CASS4: variants seen among roughly 807,000 people sequenced by gnomAD.
CASS4 encodes the protein cas scaffolding protein family member 4.
A neutral mutation model predicts 54.2 loss-of-function variants in CASS4; 22 were observed. The ratio of observed to expected loss-of-function variants is 0.41; its 90% confidence interval spans 0.29 to 0.58. The LOEUF (loss-of-function observed/expected upper bound fraction) is 0.58. CASS4 is among the 20% of genes least tolerant of loss of function. CASS4 has a pLI of 0.36. For synonymous variants in CASS4, 409 were observed against 391.5 expected (o/e 1.04, Z -0.53); for missense variants, 854 against 986.7 (o/e 0.87, Z 1.80).
intron 3 of CASS4, among the ~76,000 whole-genome samples, chr20:56,450,219 T>C (rs900267530): frequency 6.6e-6 from 1 of 152,114 alleles, no homozygotes; most frequent in Non-Finnish European, 1.5e-5. Flanking sequence ...TTAATAGAGT[T>C]CTCCATGTTG....
Position 56,452,669 on chromosome 20 carries a change from G to A in CASS4, c.1493G>A (p.Arg498Gln), listed in dbSNP as rs775284457. Residue 498 changes from arginine (R) to glutamine (Q), a missense_variant, in exon 5 of 6, where the codon CGA becomes CAA. Transcript: ENST00000679887. The stretch of plus-strand genomic sequence containing the variant: ...GTAAGAGAATTTCTGGATTTTGCCC[G>A]AGGAGTCCATGGGACTGCCTGTAAC... ...ESVREFLDFA[R>Q]GVHGTACNLT... 1.2e-5 allele frequency: 19 copies of A among 1,614,062 alleles called. No individual in the cohort carries two copies. The highest frequency in any genetic ancestry group is 6.7e-5 in the Admixed American group (4 of 59,992).
intron 4 of CASS4, among the ~76,000 whole-genome samples, chr20:56,451,560 A>G (rs1351512833): frequency 6.6e-6 from 1 of 152,200 alleles, no homozygotes; most frequent in African/African-American, 2.4e-5. Context: ...ATACACTGGC[A>G]TGAGTCAGTG....
rs1296043902 is a variant in CASS4, at chr20:56,460,330, C to G, written c.*1583C>G. The G allele has an allele frequency of 1.3e-5, 2 of 152,212 alleles. No homozygotes were observed. The highest frequency in any genetic ancestry group is 3.9e-4 in the East Asian group (2 of 5,094). 9.4% of individuals were successfully genotyped at this position (152,212 alleles called of 1,614,324 possible). A position where few individuals can be genotyped will look rare whatever the true frequency, so the allele number is the denominator to read the frequency against. On this transcript the variant is annotated 3_prime_UTR_variant, in exon 6 of 6. Transcript: ENST00000679887. ...TGCCGTAGACAGTAATGGCAAAAAC[C>G]ACAATTGCTTTTGCACCACCCTAAT...
chr20:56,438,863 T>C (rs907377116), intron 2 of CASS4, among the ~76,000 whole-genome samples: 15 of 152,082 alleles, frequency 9.9e-5, no homozygotes, highest in Admixed American at 5.9e-4. Flanking sequence ...ATCTCAAAAA[T>C]AAACAAACAA....
chr20:56,436,366 A>G (rs1446344825), intron 1 of CASS4, among the ~76,000 whole-genome samples: 1 of 144,918 alleles, frequency 6.9e-6, no homozygotes, highest in African/African-American at 2.6e-5. Context: ...GTGTGTATAT[A>G]TATATATGTA....
At chr20:56,442,366 A>C (rs1200738079) in intron 2 of CASS4, among the ~76,000 whole-genome samples, 1 of 151,830 alleles carries the variant, frequency 6.6e-6, no homozygotes, top group African/African-American at 2.4e-5. Context: ...TCGTGCAGCC[A>C]CACAGCTGAT....
At chr20:56,446,077 A>G (rs1980698557) in intron 3 of CASS4, 76 bp downstream of exon 3, 5 of 968,010 alleles carry the variant, frequency 5.2e-6, no homozygotes, top group East Asian at 2.5e-5. Context: ...TCATGCCCAC[A>G]TTGCATTTCA....
chr20:56,455,247 T>C (rs1240288160), intron 5 of CASS4, among the ~76,000 whole-genome samples: 2 of 152,172 alleles, frequency 1.3e-5, no homozygotes, highest in Non-Finnish European at 2.9e-5. Flanking sequence ...TCCTTTAAAT[T>C]AATGTAAGTA....
chr20:56,437,259 C>A lies in CASS4; in HGVS notation c.132C>A (p.His44Gln). The A allele has an allele frequency of 6.2e-7, 1 of 1,613,890 alleles. No homozygotes were observed. Among genetic ancestry groups the A allele is most frequent in the Non-Finnish European group, 8.5e-7 (1 of 1,179,886 alleles). Residue 44 changes from histidine (H) to glutamine (Q), a missense_variant, in exon 2 of 6, where the codon CAC (histidine) becomes CAA (glutamine). His to Gln is a conservative substitution (Grantham distance 24). Coordinates refer to ENST00000679887, the MANE Select transcript of CASS4 (RefSeq NM_020356.4). This position sits in a 1 kb window ranked among gnomAD's most constrained non-coding sequence, Gnocchi z 4.7. ...RGDILTILEQ[H>Q]VPESEGWWKC... is the part of the protein sequence containing the mutation. The stretch of plus-strand genomic sequence containing the variant: ...ACATCCTGACCATTCTGGAGCAACA[C>A]GTGCCAGAAAGCGAGGGTTGGTGGA...
intron 3 of CASS4, among the ~76,000 whole-genome samples, chr20:56,447,107 G>A (rs1980753053): frequency 6.6e-6 from 1 of 151,634 alleles, no homozygotes; most frequent in South Asian, 2.1e-4. Flanking sequence ...ACTAGAGAGG[G>A]TGAGGTGGGA....
intron 5 of CASS4, among the ~76,000 whole-genome samples, chr20:56,454,962 T>C (rs1311820022): frequency 6.6e-6 from 1 of 152,152 alleles, no homozygotes; most frequent in African/African-American, 2.4e-5. Context: ...ATTACTGAAA[T>C]GACTGTAGGG....
At chr20:56,428,780 G>A (rs901793651) in intron 1 of CASS4, among the ~76,000 whole-genome samples, 17 of 152,172 alleles carry the variant, frequency 1.1e-4, no homozygotes, top group Admixed American at 1.1e-3. Context: ...GCAATAGCAG[G>A]CTTCAGTCAG....
At chr20:56,443,825 T>C (rs1458622208) in intron 2 of CASS4, among the ~76,000 whole-genome samples, 10 of 152,124 alleles carry the variant, frequency 6.6e-5, no homozygotes, top group Non-Finnish European at 1.5e-5. Flanking sequence ...TCTGAAGCGC[T>C]ACATGAGGGC....
chr20:56,414,443 T>C lies in CASS4; in HGVS notation c.36+1949T>C, dbSNP rs1979032349. Among the ~76,000 whole-genome samples the C allele has an allele frequency of 6.6e-6, 1 of 152,176 alleles. No homozygotes were observed. The highest frequency in any genetic ancestry group is 1.5e-5 in the Non-Finnish European group (1 of 68,028). On this transcript the variant is annotated intron_variant, in intron 1 of 5. Transcript: ENST00000679887. This position sits in a 1 kb window ranked among gnomAD's most constrained non-coding sequence, Gnocchi z 4.1. Reference sequence around the variant, plus strand: ...TTTACAATTGGGTGGGGTTTTGTTATTTAAAAAAAATATTTTTAGCAATGG... The same window carrying C: ...TTTACAATTGGGTGGGGTTTTGTTACTTAAAAAAAATATTTTTAGCAATGG...
In CASS4 at chr20:56,443,469, C is replaced by CAAAA. The variant is rs11467181; in HGVS notation, c.460-2423_460-2420dup. Among the ~76,000 whole-genome samples, 6 of 115,228 alleles carry CAAAA rather than the reference C, an allele frequency of 5.2e-5. 1 individual carries two copies. The highest frequency in any genetic ancestry group is 1.0e-4 in the Non-Finnish European group (6 of 58,488). 75.6% of individuals were successfully genotyped at this position (115,228 alleles called of 152,430 possible). A position where few individuals can be genotyped will look rare whatever the true frequency, so the allele number is the denominator to read the frequency against. On this transcript the variant is annotated intron_variant, in intron 2 of 5. Coordinates refer to ENST00000679887, the MANE Select transcript of CASS4 (RefSeq NM_020356.4). Reference sequence around the variant, plus strand: ...GGGTGACAGAGCGAGACTCCGTCTCCAAAAAAAAAAAGAAGCTTGGATTTC... The same window carrying CAAAA: ...GGGTGACAGAGCGAGACTCCGTCTCCAAAAAAAAAAAAAAAGAAGCTTGGATTTC...
intron 1 of CASS4, among the ~76,000 whole-genome samples, chr20:56,433,331 G>C (rs1469311122): frequency 6.6e-6 from 1 of 152,194 alleles, no homozygotes; most frequent in Non-Finnish European, 1.5e-5. Context: ...CTTTGGGGTA[G>C]AGAGAACAGC....
intron 3 of CASS4, among the ~76,000 whole-genome samples, chr20:56,446,762 AG>A (rs1568679208): frequency 6.6e-6 from 1 of 152,118 alleles, no homozygotes; most frequent in Non-Finnish European, 1.5e-5. Flanking sequence ...CCAACCCCAG[AG>A]ACTGTTGAAT....
chr20:56,454,702 T>C (rs401897), intron 5 of CASS4, among the ~76,000 whole-genome samples: 95,505 of 152,100 alleles, frequency 0.63, 30,709 homozygotes, highest in East Asian at 0.94. Flanking sequence ...TATCTTGGAA[T>C]AAAGGTTAGA....
Position 56,458,996 on chromosome 20 carries a change from T to C in CASS4, c.*249T>C. 1 of 467,662 alleles carries C rather than the reference T, an allele frequency of 2.1e-6. No individual in the cohort carries two copies. Among genetic ancestry groups the C allele is most frequent in the South Asian group, 4.6e-5 (1 of 21,818 alleles). The allele number at this position is 467,662 out of a possible 1,614,324, so 29.0% of individuals were successfully genotyped here. ...AGTTTAGCATATATGGAGTATGCAGTATCAGCTTGAAGTGACTTCGCAGAA... is the reference window on the plus strand; with the variant it reads ...AGTTTAGCATATATGGAGTATGCAGCATCAGCTTGAAGTGACTTCGCAGAA... On this transcript the variant is annotated 3_prime_UTR_variant, in exon 6 of 6. Transcript: ENST00000679887.
Sources: allele counts gnomAD v4.1 joint callset (sites outside exome capture counted in the v4.1 genomes callset), GRCh38; gene constraint gnomAD v4.1.1; non-coding constraint Gnocchi (gnomAD v3.1); transcripts MANE v1.5; gene names NCBI Gene and HGNC (gene_info 2026-07-23, HGNC 2026-07-21).